The following EIF4G3 variants were observed in gnomAD, a reference collection of about 807,000 sequenced individuals.
EIF4G3 encodes eIF-4-gamma 3.
Under a neutral mutation model 186.4 loss-of-function variants are expected in EIF4G3, and 34 were observed. That is an observed-to-expected ratio of 0.18 (90% CI 0.14 to 0.24). EIF4G3 has a LOEUF of 0.24. EIF4G3 is among the 10% of genes least tolerant of loss of function. EIF4G3 has a pLI of 1.00. For synonymous variants in EIF4G3, 673 were observed against 679.5 expected, an observed-to-expected ratio of 0.99 and a Z score of 0.15; for missense variants, 1,536 against 1,948.5, an observed-to-expected ratio of 0.79 and a Z score of 3.99.
intron 2 of EIF4G3, among the ~76,000 whole-genome samples, chr1:21,138,489 A>G (rs1001009987): frequency 6.6e-6 from 1 of 151,874 alleles, no homozygotes; most frequent in Non-Finnish European, 1.5e-5. Flanking sequence ...TTCAGCACAG[A>G]CCAAACCAAA....
At chr1:20,929,982 G>A (rs1053250449) in intron 14 of EIF4G3, among the ~76,000 whole-genome samples, 5 of 152,140 alleles carry the variant, frequency 3.3e-5, no homozygotes, top group African/African-American at 7.2e-5. Context: ...GCAATAAAGC[G>A]AGTCACAAAT....
At chr1:20,968,351 T>C (rs1440511963) in intron 12 of EIF4G3, among the ~76,000 whole-genome samples, 1 of 152,128 alleles carries the variant, frequency 6.6e-6, no homozygotes, top group African/African-American at 2.4e-5. Flanking sequence ...AGCTAATTTT[T>C]GTATTTTTAG....
intron 2 of EIF4G3, among the ~76,000 whole-genome samples, chr1:21,123,967 T>A (rs888205979): frequency 9.9e-5 from 15 of 152,118 alleles, no homozygotes; most frequent in Non-Finnish European, 1.2e-4. Context: ...ATTCTTCAAA[T>A]ATCTTAAACA....
chr1:21,076,819 G>T (rs2095603360), intron 3 of EIF4G3, among the ~76,000 whole-genome samples: 1 of 152,078 alleles, frequency 6.6e-6, no homozygotes. Flanking sequence ...TAAATGTTAA[G>T]ATCTGAAACC....
intron 14 of EIF4G3, among the ~76,000 whole-genome samples, chr1:20,930,616 TCTCAAGCTCCTGGC>T (rs1295198023): frequency 6.6e-6 from 1 of 152,136 alleles, no homozygotes; most frequent in Admixed American, 6.6e-5. Context: ...CCCAGGCTAG[TCTCAAGCTCCTGGC>T]CTCAAGCAAT....
intron 18 of EIF4G3, among the ~76,000 whole-genome samples, chr1:20,887,253 G>GTTTTT: frequency 6.6e-6 from 1 of 151,502 alleles, no homozygotes. Context: ...TGCACTGAAG[G>GTTTTT]GCTAGCCATT....
In EIF4G3 at chr1:21,010,434, AAAAG is replaced by A. The variant is rs562216534; in HGVS notation, c.-66-7630_-66-7627del. Among the ~76,000 whole-genome samples the A allele has an allele frequency of 3.4e-3, 508 of 150,020 alleles. 2 individuals are homozygous for A. The highest frequency in any genetic ancestry group is 0.012 in the African/African-American group (490 of 40,854). On this transcript the variant is annotated intron_variant, in intron 4 of 36. Coordinates refer to ENST00000602326, the MANE Select transcript of EIF4G3 (RefSeq NM_001391906.1). ...GACTCTGTCTCAAAAAAAAAAAAAAAAAAGAAAAAGAAAAAGAAAGAAAAAGAAA... is the reference window on the plus strand; with the variant it reads ...GACTCTGTCTCAAAAAAAAAAAAAAAAAAAAGAAAAAGAAAGAAAAAGAAA...
At chr1:21,087,806 T>C (rs2096043753) in intron 3 of EIF4G3, among the ~76,000 whole-genome samples, 1 of 152,066 alleles carries the variant, frequency 6.6e-6, no homozygotes, top group Non-Finnish European at 1.5e-5. Context: ...GCTAATTTTT[T>C]CTATTTTTAG....
intron 4 of EIF4G3, among the ~76,000 whole-genome samples, chr1:21,041,008 G>A (rs6684976): frequency 0.37 from 56,106 of 151,710 alleles, 10,992 homozygotes; most frequent in Non-Finnish European, 0.43. Context: ...CTGATCAGAA[G>A]GTACCCCTAG....
intron 4 of EIF4G3, among the ~76,000 whole-genome samples, chr1:21,049,351 T>C (rs1369111652): frequency 2.0e-5 from 3 of 152,184 alleles, no homozygotes; most frequent in Admixed American, 2.0e-4. Context: ...TTATATCTTA[T>C]ATTCTTGAGA....
At chr1:21,066,893 T>C (rs1023769663) in intron 3 of EIF4G3, among the ~76,000 whole-genome samples, 4 of 152,298 alleles carry the variant, frequency 2.6e-5, no homozygotes, top group African/African-American at 9.6e-5. Flanking sequence ...TTAAAAACAG[T>C]ACATATACTT....
At chr1:20,983,958 T>C (rs2078855728) in intron 7 of EIF4G3, among the ~76,000 whole-genome samples, 1 of 152,202 alleles carries the variant, frequency 6.6e-6, no homozygotes, top group Admixed American at 6.5e-5. Flanking sequence ...CTTACCACTA[T>C]TTTCCAGCTG....
At chr1:20,940,249 T>C (rs1182371215) in intron 14 of EIF4G3, among the ~76,000 whole-genome samples, 1 of 152,168 alleles carries the variant, frequency 6.6e-6, no homozygotes, top group Non-Finnish European at 1.5e-5. Context: ...GATGGCACTA[T>C]GAATACTGAT....
chr1:20,913,081 C>T (rs757342045), intron 14 of EIF4G3, among the ~76,000 whole-genome samples: 7 of 152,032 alleles, frequency 4.6e-5, no homozygotes, highest in African/African-American at 7.2e-5. Flanking sequence ...AGTGTTTTTC[C>T]GCATCTTCTC....
At chr1:21,094,582 C>T (rs1158343608) in intron 2 of EIF4G3, among the ~76,000 whole-genome samples, 2 of 137,880 alleles carry the variant, frequency 1.5e-5, no homozygotes, top group Non-Finnish European at 3.0e-5. Flanking sequence ...GAGAACACTT[C>T]GACACAGGAA....
intron 2 of EIF4G3, among the ~76,000 whole-genome samples, chr1:21,125,761 TATA>T (rs1443097909): frequency 8.7e-6 from 1 of 114,728 alleles, no homozygotes; most frequent in African/African-American, 3.5e-5. Context: ...ATAATTTTTT[TATA>T]TATATATACA....
chr1:21,136,983 AT>A (rs1186212592), intron 2 of EIF4G3, among the ~76,000 whole-genome samples: 2 of 152,232 alleles, frequency 1.3e-5, no homozygotes, highest in African/African-American at 4.8e-5. Flanking sequence ...CTCACTAATA[AT>A]TTTTATATGA....
Position 20,988,632 on chromosome 1 carries a change from T to G in EIF4G3, c.178-6224A>C, listed in dbSNP as rs78574966. On this transcript the variant is annotated intron_variant, in intron 7 of 36. Coordinates refer to ENST00000602326, the MANE Select transcript of EIF4G3 (RefSeq NM_001391906.1). ...TATTTTAAGGCCATTGTAGAGAGCT[T>G]AGATTCCTTTCAAAATATTACTGCT... is the stretch of plus-strand genomic sequence containing the variant. 6.2e-3 allele frequency among the ~76,000 whole-genome samples: 939 copies of G among 152,212 alleles called. 24 individuals are homozygous for G. The East Asian group carries it at 0.071, about 12-fold the overall frequency.
chr1:20,844,984 C>T (rs778719304), intron 29 of EIF4G3, among the ~76,000 whole-genome samples: 27 of 152,164 alleles, frequency 1.8e-4, no homozygotes, highest in Non-Finnish European at 2.9e-4. Flanking sequence ...AATTAGATCC[C>T]ATTTGTCAAT....
Sources: allele counts gnomAD v4.1 joint callset (sites outside exome capture counted in the v4.1 genomes callset), GRCh38; gene constraint gnomAD v4.1.1; transcripts MANE v1.5; gene names NCBI Gene and HGNC (gene_info 2026-07-23, HGNC 2026-07-21).